RAB2A: variants seen among roughly 807,000 people sequenced by gnomAD.
The protein encoded by RAB2A is ras-related protein Rab-2A.
A neutral mutation model predicts 32.5 loss-of-function variants in RAB2A; 7 were observed. That is an observed-to-expected ratio of 0.22 (90% CI 0.12 to 0.40). The LOEUF (loss-of-function observed/expected upper bound fraction) is 0.40. Among genes scored for constraint, RAB2A ranks in the 10% least tolerant of loss-of-function variants. The pLI is 1.00. For synonymous variants in RAB2A, 79 were observed against 85.2 expected (o/e 0.93, Z 0.40); for missense variants, 108 against 260.7 (o/e 0.41, Z 4.03).
chr8:60,615,281 G>A (rs2150438630), intron 6 of RAB2A, among the ~76,000 whole-genome samples: 1 of 152,264 alleles, frequency 6.6e-6, no homozygotes, highest in African/African-American at 2.4e-5. Context: ...TTTAGGTATT[G>A]TGCTAGAGAT....
At chr8:60,590,048 G>A (rs1404067442) in intron 5 of RAB2A, among the ~76,000 whole-genome samples, 3 of 151,398 alleles carry the variant, frequency 2.0e-5, no homozygotes, top group African/African-American at 2.4e-5. Flanking sequence ...TGCAACCTCC[G>A]CCTCCCAGGT....
At chr8:60,519,951 G>T (rs542643292) in intron 1 of RAB2A, among the ~76,000 whole-genome samples, 26 of 152,266 alleles carry the variant, frequency 1.7e-4, no homozygotes, top group African/African-American at 6.0e-4. Context: ...GATACACTCA[G>T]TGTGGCCCTC....
intron 1 of RAB2A, among the ~76,000 whole-genome samples, chr8:60,557,793 A>T (rs986206900): frequency 2.0e-5 from 3 of 151,544 alleles, no homozygotes; most frequent in African/African-American, 7.3e-5. Flanking sequence ...GCTGGTCTTG[A>T]ACTCCTGGGC....
chr8:60,609,513 A>T (rs1003954375), intron 6 of RAB2A, among the ~76,000 whole-genome samples: 1 of 152,214 alleles, frequency 6.6e-6, no homozygotes, highest in African/African-American at 2.4e-5. Context: ...ATGGTAGATA[A>T]CAAAAGTTTG....
At chr8:60,613,757 A>G (rs933014926) in intron 6 of RAB2A, among the ~76,000 whole-genome samples, 1 of 152,252 alleles carries the variant, frequency 6.6e-6, no homozygotes, top group African/African-American at 2.4e-5. Flanking sequence ...AGAAATAGTG[A>G]AAACCTTTGT....
At chr8:60,534,794 G>A (rs1488377626) in intron 1 of RAB2A, among the ~76,000 whole-genome samples, 2 of 152,152 alleles carry the variant, frequency 1.3e-5, no homozygotes, top group Non-Finnish European at 2.9e-5. Flanking sequence ...TTAAGGGATT[G>A]CTTAACCCTC....
intron 3 of RAB2A, among the ~76,000 whole-genome samples, chr8:60,575,092 G>GTT (rs1563474748): frequency 8.7e-4 from 105 of 120,934 alleles, no homozygotes; most frequent in East Asian, 6.6e-3. Context: ...TTTTTTTGGG[G>GTT]GTTTTTTTTT....
At chr8:60,586,933 GA>G (rs200377607) in intron 5 of RAB2A, among the ~76,000 whole-genome samples, 1,860 of 63,924 alleles carry the variant, frequency 0.029, 20 homozygotes, top group African/African-American at 0.064. Context: ...CTGTCTCCAA[GA>G]AAAAAAAAAA....
chr8:60,590,532 T>C (rs922248645), intron 5 of RAB2A, among the ~76,000 whole-genome samples: 34 of 146,568 alleles, frequency 2.3e-4, no homozygotes, highest in South Asian at 2.1e-4. Flanking sequence ...TACACAAATA[T>C]ATATATATAT....
At chr8:60,584,692 A>G (rs1803820445) in intron 4 of RAB2A, 31 bp from the exon 5 acceptor site, 1 of 1,530,600 alleles carries the variant, frequency 6.5e-7, no homozygotes. Flanking sequence ...AATGCTTTGA[A>G]CATAGTAATT....
At chr8:60,530,194 G>C (rs545232107) in intron 1 of RAB2A, among the ~76,000 whole-genome samples, 2 of 149,266 alleles carry the variant, frequency 1.3e-5, no homozygotes, top group African/African-American at 5.0e-5. Context: ...TGTCACCCAG[G>C]CTGGAGTGCA....
intron 6 of RAB2A, among the ~76,000 whole-genome samples, chr8:60,615,310 T>C (rs937328912): frequency 3.9e-5 from 6 of 152,224 alleles, no homozygotes; most frequent in African/African-American, 9.6e-5. Flanking sequence ...ACAATATGTT[T>C]AACATCTATA....
intron 1 of RAB2A, among the ~76,000 whole-genome samples, chr8:60,524,211 A>T (rs566636521): frequency 6.6e-6 from 1 of 152,118 alleles, no homozygotes; most frequent in African/African-American, 2.4e-5. Context: ...CCTGTCCAGC[A>T]TGAAAGTTTC....
intron 1 of RAB2A, among the ~76,000 whole-genome samples, chr8:60,549,385 C>T (rs1807807091): frequency 6.6e-6 from 1 of 152,196 alleles, no homozygotes; most frequent in Admixed American, 6.5e-5. Flanking sequence ...CGTCTGCAAT[C>T]CCAGCACCTC....
intron 5 of RAB2A, among the ~76,000 whole-genome samples, chr8:60,589,051 G>A (rs1803892836): frequency 6.6e-6 from 1 of 152,132 alleles, no homozygotes; most frequent in African/African-American, 2.4e-5. Context: ...AAAGCTATTG[G>A]AGGGAAGTTT....
intron 1 of RAB2A, among the ~76,000 whole-genome samples, chr8:60,538,464 C>T (rs1282790992): frequency 6.6e-6 from 1 of 152,146 alleles, no homozygotes; most frequent in East Asian, 1.9e-4. Flanking sequence ...GGAGAATTGG[C>T]TAAGAGGTAG....
At chr8:60,552,971 TG>T (rs1181768150) in intron 1 of RAB2A, 28 of 152,160 alleles carry the variant, frequency 1.8e-4, no homozygotes, top group African/African-American at 6.8e-4. Flanking sequence ...CTATAAAGCA[TG>T]ATACAATTAA....
intron 1 of RAB2A, among the ~76,000 whole-genome samples, chr8:60,536,412 G>A (rs1807556617): frequency 6.6e-6 from 1 of 152,016 alleles, no homozygotes; most frequent in Non-Finnish European, 1.5e-5. Context: ...AAATTTATTA[G>A]ATAATTATAT....
intron 3 of RAB2A, among the ~76,000 whole-genome samples, chr8:60,576,010 A>T (rs1269614203): frequency 2.0e-5 from 3 of 152,010 alleles, no homozygotes; most frequent in Middle Eastern, 3.2e-3. Flanking sequence ...TCCTTGCAAG[A>T]TTTTCACATC....
Sources: gnomAD v4.1 joint callset for allele counts (sites outside exome capture counted in the v4.1 genomes callset) on GRCh38, gnomAD v4.1.1 for gene constraint, MANE v1.5 for transcripts, NCBI Gene and HGNC (gene_info 2026-07-23, HGNC 2026-07-21) for gene names.